The following SUMF1 variants were observed in gnomAD, a reference collection of about 807,000 sequenced individuals.
SUMF1 encodes sulfatase modifying factor 1.
In SUMF1, 48 loss-of-function variants were observed where a neutral mutation model predicts 47.6. That is an observed-to-expected ratio of 1.01 (90% CI 0.80 to 1.28). The LOEUF (loss-of-function observed/expected upper bound fraction) is 1.28. Among genes scored for constraint, SUMF1 ranks in the 50% most tolerant of loss-of-function variants. SUMF1 has a pLI of 0.00. For missense variants in SUMF1, 571 were observed against 485.4 expected (o/e 1.18, Z -1.66); for synonymous variants, 230 against 192.1 (o/e 1.20, Z -1.63).
At chr3:4,128,659 G>C (rs1411150731) in intron 8 of SUMF1, among the ~76,000 whole-genome samples, 5 of 152,120 alleles carry the variant, frequency 3.3e-5, no homozygotes, top group Admixed American at 2.6e-4. Context: ...CCATGAAAAG[G>C]TGTGCTACAC....
chr3:4,101,511 A>C lies in SUMF1; in HGVS notation c.1015-32766T>G, dbSNP rs141054457. Among the ~76,000 whole-genome samples the C allele has an allele frequency of 4.9e-3, 751 of 152,220 alleles. 11 individuals carry two copies. Among genetic ancestry groups the C allele is most frequent in the African/African-American group, 0.017 (703 of 41,510 alleles). ...GGGGGTGGAGAAGATGGGCAGGGAA[A>C]GGTGAGAGCTTGGTCAACAGACACA... On this transcript the variant is annotated intron_variant and NMD_transcript_variant, in intron 8 of 12. Transcript: ENST00000448413.
At chr3:4,183,283 TAAAAC>T (rs1695134559) in intron 8 of SUMF1, among the ~76,000 whole-genome samples, 2 of 152,186 alleles carry the variant, frequency 1.3e-5, no homozygotes, top group African/African-American at 4.8e-5. Context: ...AAAAAATAGT[TAAAAC>T]AAAAGCAAGT....
intron 8 of SUMF1, among the ~76,000 whole-genome samples, chr3:4,249,413 GT>G (rs1208662513): frequency 6.6e-6 from 1 of 151,614 alleles, no homozygotes; most frequent in Non-Finnish European, 1.5e-5. Context: ...TCTGTGTCAC[GT>G]TTTGGTAATT....
chr3:4,289,622 C>G (rs1299380727), intron 8 of SUMF1, among the ~76,000 whole-genome samples: 1 of 152,080 alleles, frequency 6.6e-6, no homozygotes, highest in African/African-American at 2.4e-5. Context: ...CCATACTCAC[C>G]CTCCATCACC....
intron 8 of SUMF1, among the ~76,000 whole-genome samples, chr3:4,110,803 T>G (rs1267121622): frequency 1.5e-4 from 19 of 125,010 alleles, no homozygotes; most frequent in African/African-American, 5.4e-4. Flanking sequence ...TGAGAACACT[T>G]GGACACAGGA....
intron 8 of SUMF1, among the ~76,000 whole-genome samples, chr3:4,229,875 A>T (rs1055885533): frequency 6.6e-6 from 1 of 151,938 alleles, no homozygotes; most frequent in Non-Finnish European, 1.5e-5. Flanking sequence ...TAGCTGGGCA[A>T]GGTGGCATGC....
chr3:4,110,183 G>T (rs1305508253), intron 8 of SUMF1, among the ~76,000 whole-genome samples: 1 of 152,102 alleles, frequency 6.6e-6, no homozygotes, highest in African/African-American at 2.4e-5. Flanking sequence ...GTTTGCTGGA[G>T]GTCCACTCCA....
intron 8 of SUMF1, among the ~76,000 whole-genome samples, chr3:4,371,284 T>TAA (rs1700159268): frequency 6.6e-6 from 1 of 152,188 alleles, no homozygotes; most frequent in Non-Finnish European, 1.5e-5. Flanking sequence ...AAGGACCTGT[T>TAA]TTAGTCCTAT....
chr3:4,315,983 G>A (rs911047966), intron 8 of SUMF1, among the ~76,000 whole-genome samples: 2 of 149,042 alleles, frequency 1.3e-5, no homozygotes, highest in African/African-American at 2.5e-5. Context: ...GGAGGCAGAG[G>A]TTGCAGTGAG....
chr3:4,214,445 G>A (rs763856565), intron 8 of SUMF1, among the ~76,000 whole-genome samples: 1 of 152,118 alleles, frequency 6.6e-6, no homozygotes, highest in Non-Finnish European at 1.5e-5. Context: ...ATGCCCACAA[G>A]AGAAAGCAGG....
chr3:4,209,021 TCTC>T, intron 8 of SUMF1, among the ~76,000 whole-genome samples: 1 of 152,254 alleles, frequency 6.6e-6, no homozygotes, highest in Middle Eastern at 3.4e-3. Context: ...GTAGAAGTTC[TCTC>T]CTATCTGTTT....
intron 8 of SUMF1, among the ~76,000 whole-genome samples, chr3:4,071,606 G>A (rs1695527222): frequency 6.6e-6 from 1 of 152,228 alleles, no homozygotes; most frequent in African/African-American, 2.4e-5. Context: ...TGGGATGCTG[G>A]AGCTTAGTGG....
intron 8 of SUMF1, among the ~76,000 whole-genome samples, chr3:4,275,088 T>C (rs1697384590): frequency 6.6e-6 from 1 of 152,136 alleles, no homozygotes; most frequent in African/African-American, 2.4e-5. Context: ...TCTGGGTTTT[T>C]GAGCAGTTGA....
At chr3:4,305,541 G>T (rs548975276) in intron 8 of SUMF1, among the ~76,000 whole-genome samples, 70 of 152,268 alleles carry the variant, frequency 4.6e-4, no homozygotes, top group African/African-American at 1.4e-3. Flanking sequence ...GGGGAAAGGG[G>T]ATTCTCTATA....
intron 3 of SUMF1, among the ~76,000 whole-genome samples, chr3:4,428,773 A>AAAGT (rs10662702): frequency 0.91 from 138,178 of 152,108 alleles, 64,118 homozygotes; most frequent in Non-Finnish European, 1. Context: ...TGAAAAAACA[A>AAAGT]AAGCAATATC....
chr3:4,157,475 A>C (rs973654342), intron 8 of SUMF1, among the ~76,000 whole-genome samples: 2 of 151,512 alleles, frequency 1.3e-5, no homozygotes, highest in Non-Finnish European at 2.9e-5. Flanking sequence ...TTTCCCCAAA[A>C]TATTTTTAAA....
At chr3:4,286,352 A>C (rs1451851827) in intron 8 of SUMF1, among the ~76,000 whole-genome samples, 1 of 152,156 alleles carries the variant, frequency 6.6e-6, no homozygotes, top group Non-Finnish European at 1.5e-5. Context: ...CAAAAACCGT[A>C]TTAACAAAGA....
At chr3:4,310,878 A>C (rs1038646334) in intron 8 of SUMF1, among the ~76,000 whole-genome samples, 1 of 152,206 alleles carries the variant, frequency 6.6e-6, no homozygotes, top group African/African-American at 2.4e-5. Context: ...AGTTTAACAA[A>C]GAGATCTTCA....
At chr3:4,451,762 C>G (rs1003604930) in intron 2 of SUMF1, among the ~76,000 whole-genome samples, 2 of 152,226 alleles carry the variant, frequency 1.3e-5, no homozygotes, top group African/African-American at 4.8e-5. Context: ...CGGCTCACTG[C>G]AAGCTCCGCC....
Sources: allele counts gnomAD v4.1 joint callset (sites outside exome capture counted in the v4.1 genomes callset), GRCh38; gene constraint gnomAD v4.1.1; transcripts MANE v1.5; gene names NCBI Gene and HGNC (gene_info 2026-07-23, HGNC 2026-07-21).